The following STPG2 variants were observed in gnomAD, a reference collection of about 807,000 sequenced individuals.
The protein encoded by STPG2 is sperm-tail PG-rich repeat-containing protein 2.
In STPG2, 56 loss-of-function variants were observed where a neutral mutation model predicts 54.2. The observed-to-expected ratio is 1.03, with a 90% CI of 0.83 to 1.29. The LOEUF is 1.29. Ranked by LOEUF, STPG2 falls within the 50% of genes most tolerant of loss-of-function variation. STPG2 has a pLI of 0.00. For synonymous variants in STPG2, 200 were observed against 181.8 expected (o/e 1.10, Z -0.81); for missense variants, 596 against 544.9 (o/e 1.09, Z -0.93).
chr4:97,573,310 GT>G (rs1299578757), intron 10 of STPG2, among the ~76,000 whole-genome samples: 1 of 151,884 alleles, frequency 6.6e-6, no homozygotes, highest in Non-Finnish European at 1.5e-5. Context: ...CTAATATAAG[GT>G]TTTAAATAAG....
intron 5 of STPG2, among the ~76,000 whole-genome samples, chr4:98,055,339 T>C (rs1737447299): frequency 6.6e-6 from 1 of 151,772 alleles, no homozygotes; most frequent in African/African-American, 2.4e-5. Flanking sequence ...GGGACTGAGA[T>C]GACTGCCATG....
chr4:97,936,200 C>A (rs1373800365), intron 8 of STPG2, among the ~76,000 whole-genome samples: 1 of 151,996 alleles, frequency 6.6e-6, no homozygotes, highest in Non-Finnish European at 1.5e-5. Flanking sequence ...GGATTGCAAC[C>A]CCTGCTTTTT....
chr4:97,651,215 T>C (rs1722057343), intron 10 of STPG2, among the ~76,000 whole-genome samples: 1 of 152,120 alleles, frequency 6.6e-6, no homozygotes, highest in Non-Finnish European at 1.5e-5. Context: ...CCAGTTTTCC[T>C]GTTAGACCAG....
In STPG2 at chr4:98,134,463, T is replaced by A; in HGVS notation, c.110-4A>T. On this transcript the variant is annotated splice_polypyrimidine_tract_variant and splice_region_variant and intron_variant, in intron 1 of 10. Coordinates refer to ENST00000295268, the MANE Select transcript of STPG2 (RefSeq NM_174952.3). The stretch of plus-strand genomic sequence containing the variant: ...GAAAGAAATGGTGCATTACTACCTA[T>A]AAAAATAAAATCATATGACCAGCAG... The A allele has an allele frequency of 6.5e-7, 1 of 1,535,988 alleles. No homozygotes were observed.
intron 4 of STPG2, among the ~76,000 whole-genome samples, chr4:97,515,589 G>T (rs1283134554): frequency 6.6e-6 from 1 of 152,072 alleles, no homozygotes; most frequent in Non-Finnish European, 1.5e-5. Context: ...AATGCAGTTT[G>T]TAAAGTTAAA....
At chr4:97,490,286 T>C (rs1253059796) in intron 4 of STPG2, 3 of 151,436 alleles carry the variant, frequency 2.0e-5, no homozygotes, top group African/African-American at 7.3e-5. Context: ...TAACCTGTTC[T>C]TGCTAAGACC....
chr4:97,838,480 G>C (rs986243639), intron 9 of STPG2, among the ~76,000 whole-genome samples: 26 of 150,554 alleles, frequency 1.7e-4, no homozygotes, highest in Non-Finnish European at 3.4e-4. Context: ...ATATTAATAT[G>C]TATATATTAA....
chr4:97,937,402 G>C (rs560728240), intron 8 of STPG2, among the ~76,000 whole-genome samples: 1 of 152,138 alleles, frequency 6.6e-6, no homozygotes, highest in East Asian at 1.9e-4. Flanking sequence ...CTCATCCTCT[G>C]TCCAGTTCTG....
chr4:97,999,711 A>G (rs781533959), intron 5 of STPG2, among the ~76,000 whole-genome samples: 3 of 152,206 alleles, frequency 2.0e-5, no homozygotes, highest in Non-Finnish European at 4.4e-5. Flanking sequence ...AAAACAAAAA[A>G]GAAACCAGGG....
chr4:97,777,594 A>C (rs1032620759), intron 9 of STPG2, among the ~76,000 whole-genome samples: 1 of 152,136 alleles, frequency 6.6e-6, no homozygotes, highest in African/African-American at 2.4e-5. Flanking sequence ...TCAATGAAAA[A>C]CTTTCAGTTT....
At chr4:97,618,395 A>G (rs1264074782) in intron 10 of STPG2, among the ~76,000 whole-genome samples, 1 of 152,084 alleles carries the variant, frequency 6.6e-6, no homozygotes, top group Non-Finnish European at 1.5e-5. Flanking sequence ...CAACTTCCCA[A>G]CTGAACCCAG....
chr4:97,775,302 C>T (rs887013533), intron 9 of STPG2, among the ~76,000 whole-genome samples: 2 of 152,046 alleles, frequency 1.3e-5, no homozygotes, highest in East Asian at 1.9e-4. Flanking sequence ...ACGTGCACAA[C>T]GTGCAGGTTT....
At chr4:98,041,596 G>GT (rs1273662531) in intron 5 of STPG2, among the ~76,000 whole-genome samples, 2 of 151,774 alleles carry the variant, frequency 1.3e-5, no homozygotes, top group Non-Finnish European at 2.9e-5. Context: ...TGATCATATA[G>GT]TTTTTTGTTT....
At chr4:97,773,715 A>T (rs1277957985) in intron 9 of STPG2, among the ~76,000 whole-genome samples, 1 of 152,220 alleles carries the variant, frequency 6.6e-6, no homozygotes, top group Non-Finnish European at 1.5e-5. Flanking sequence ...AAAAGCCAAA[A>T]CATCAATTTT....
intron 4 of STPG2, among the ~76,000 whole-genome samples, chr4:97,464,864 A>G (rs920419278): frequency 2.6e-5 from 4 of 152,190 alleles, no homozygotes; most frequent in African/African-American, 9.6e-5. Context: ...CCACTCAATT[A>G]TAGTACTCAA....
At chr4:97,516,041 C>T (rs1376361850) in intron 4 of STPG2, among the ~76,000 whole-genome samples, 1 of 151,890 alleles carries the variant, frequency 6.6e-6, no homozygotes, top group East Asian at 1.9e-4. Context: ...ATGAAGCAAC[C>T]CATAATTTTT....
intron 9 of STPG2, among the ~76,000 whole-genome samples, chr4:97,720,703 A>G (rs1473575245): frequency 1.3e-5 from 2 of 151,948 alleles, no homozygotes; most frequent in African/African-American, 2.4e-5. Flanking sequence ...TGTTTTACCC[A>G]TATATTTTAA....
chr4:97,809,111 T>A (rs1367330438), intron 9 of STPG2, among the ~76,000 whole-genome samples: 1 of 152,118 alleles, frequency 6.6e-6, no homozygotes, highest in Non-Finnish European at 1.5e-5. Context: ...TAATTTAAAT[T>A]TAAAACTTGT....
intron 6 of STPG2, among the ~76,000 whole-genome samples, chr4:97,977,609 C>A (rs747457018): frequency 6.6e-6 from 1 of 152,130 alleles, no homozygotes; most frequent in Non-Finnish European, 1.5e-5. Flanking sequence ...TTTCAAGAGG[C>A]CCAGATCAAT....
Sources: allele counts gnomAD v4.1 joint callset (sites outside exome capture counted in the v4.1 genomes callset), GRCh38; gene constraint gnomAD v4.1.1; transcripts MANE v1.5; gene names NCBI Gene and HGNC (gene_info 2026-07-23, HGNC 2026-07-21).